SLC4A4: variants seen among roughly 807,000 people sequenced by gnomAD.
SLC4A4 encodes the protein solute carrier family 4 member 4.
SLC4A4 carries 27 observed loss-of-function variants against 111.5 expected under a neutral mutation model. The observed-to-expected ratio is 0.24, with a 90% CI of 0.18 to 0.33. The LOEUF is 0.33. Ranked by LOEUF, SLC4A4 falls within the 10% of genes least tolerant of loss-of-function variation. The pLI is 1.00. For synonymous variants in SLC4A4, 443 were observed against 463.4 expected, an observed-to-expected ratio of 0.96 and a Z score of 0.57; for missense variants, 909 against 1,315.5, an observed-to-expected ratio of 0.69 and a Z score of 4.78.
In SLC4A4 at chr4:71,097,682, G is replaced by A. The variant is rs138808133; in HGVS notation, c.-2+4890G>A. ...CCCTTTTCTCCGCAATTTCATCAGC[G>A]TCTGTTATTTTTTTGACTTTTTAAT... On this transcript the variant is annotated intron_variant, in intron 2 of 26. Coordinates refer to the SLC4A4 transcript ENST00000649996. Among the ~76,000 whole-genome samples, 520 of 152,130 alleles carry A rather than the reference G, an allele frequency of 3.4e-3. 2 individuals carry two copies. The highest frequency in any genetic ancestry group is 5.7e-3 in the Non-Finnish European group (389 of 67,968).
At chr4:71,403,937 C>G (rs529479231) in intron 7 of SLC4A4, among the ~76,000 whole-genome samples, 26 of 152,158 alleles carry the variant, frequency 1.7e-4, no homozygotes, top group Admixed American at 1.6e-3. Flanking sequence ...CATAAGAGCC[C>G]ATTTCTTAAT....
Position 71,084,345 on chromosome 4 carries a change from C to T in SLC4A4, c.-64-8385C>T, listed in dbSNP as rs191376447. On this transcript the variant is annotated intron_variant, in intron 1 of 26. Coordinates refer to the SLC4A4 transcript ENST00000649996. Reference sequence around the variant, plus strand: ...TGTTTCAACTTATCTGCAACCTCCACGAACCTATTCAACTCCCATTTAAAC... The same window carrying T: ...TGTTTCAACTTATCTGCAACCTCCATGAACCTATTCAACTCCCATTTAAAC... Among the ~76,000 whole-genome samples the T allele has an allele frequency of 3.0e-4, 45 of 152,114 alleles. 1 individual carries two copies. Among genetic ancestry groups the T allele is most frequent in the African/African-American group, 8.7e-4 (36 of 41,432 alleles).
At chr4:71,139,035 CAAAAAAAA>C (rs5859250) in intron 2 of SLC4A4, among the ~76,000 whole-genome samples, 2 of 42,840 alleles carry the variant, frequency 4.7e-5, no homozygotes, top group South Asian at 1.1e-3. Flanking sequence ...GACTCCGTCT[CAAAAAAAA>C]AAAAAAAAAA....
At chr4:71,179,903 A>G (rs921937606) in intron 2 of SLC4A4, among the ~76,000 whole-genome samples, 1 of 152,210 alleles carries the variant, frequency 6.6e-6, no homozygotes, top group Non-Finnish European at 1.5e-5. Context: ...AGTCAATCCG[A>G]AGCCAAAAGA....
chr4:71,141,060 A>AT (rs1409495541), intron 2 of SLC4A4, among the ~76,000 whole-genome samples: 1 of 152,200 alleles, frequency 6.6e-6, no homozygotes, highest in Non-Finnish European at 1.5e-5. Flanking sequence ...ATGATATTCT[A>AT]TTATTAACTA....
At chr4:71,102,055 C>T (rs1012926386) in intron 2 of SLC4A4, among the ~76,000 whole-genome samples, 1 of 151,470 alleles carries the variant, frequency 6.6e-6, no homozygotes. Context: ...ACTAGAATAA[C>T]CAATACAGAG....
chr4:71,090,164 C>T lies in SLC4A4; in HGVS notation c.-64-2566C>T, dbSNP rs145492698. ...CTCAGACTGCTGTGCTAGCAATGAGCGAGGCTCCGTGGGTGTAGGACCCTC... is the reference window on the plus strand; with the variant it reads ...CTCAGACTGCTGTGCTAGCAATGAGTGAGGCTCCGTGGGTGTAGGACCCTC... On this transcript the variant is annotated intron_variant, in intron 1 of 26. Transcript: ENST00000649996. 9.2e-3 allele frequency among the ~76,000 whole-genome samples: 1,396 copies of T among 151,886 alleles called. 39 individuals are homozygous for T. Among genetic ancestry groups the T allele is most frequent in the African/African-American group, 0.032 (1,323 of 41,272 alleles).
At chr4:71,118,150 T>G (rs2148955026) in intron 2 of SLC4A4, among the ~76,000 whole-genome samples, 1 of 152,346 alleles carries the variant, frequency 6.6e-6, no homozygotes, top group South Asian at 2.1e-4. Flanking sequence ...GTGCTGGGAT[T>G]ACAGACATGA....
intron 13 of SLC4A4, 123 bp downstream of exon 13, chr4:71,466,700 A>C: frequency 9.7e-7 from 1 of 1,029,340 alleles, no homozygotes; most frequent in Non-Finnish European, 1.5e-6. Context: ...TGGAATGTTC[A>C]GATGTGAGAG....
intron 8 of SLC4A4, among the ~76,000 whole-genome samples, chr4:71,445,326 C>G (rs901972723): frequency 2.6e-5 from 4 of 152,112 alleles, no homozygotes; most frequent in African/African-American, 9.7e-5. Context: ...AATGTTTTTT[C>G]ACTAACTAGA....
chr4:71,279,731 T>A (rs541107396), intron 3 of SLC4A4, among the ~76,000 whole-genome samples: 1 of 152,346 alleles, frequency 6.6e-6, no homozygotes, highest in Non-Finnish European at 1.5e-5. Context: ...CTAATTTATA[T>A]TCCTATTAAC....
intron 2 of SLC4A4, among the ~76,000 whole-genome samples, chr4:71,123,292 A>G (rs1256805188): frequency 6.6e-6 from 1 of 152,190 alleles, no homozygotes; most frequent in Admixed American, 6.5e-5. Context: ...TGAATGAAAA[A>G]GGCATATAAC....
intron 2 of SLC4A4, among the ~76,000 whole-genome samples, chr4:71,173,883 A>C (rs997227804): frequency 6.6e-5 from 10 of 152,228 alleles, no homozygotes; most frequent in African/African-American, 2.4e-4. Flanking sequence ...CAAGAAAGAA[A>C]GTGATACCAC....
At position 71,172,906 on chromosome 4, in the gene SLC4A4, C is replaced by T. The variant is rs542155803; in HGVS notation, c.-1-63670C>T. On this transcript the variant is annotated intron_variant, in intron 2 of 26. Transcript: ENST00000649996. ...CCACTATGGATACTTTACAAGATCC[C>T]TAGTGAATGCCTGAAACTGTGTATA... 7.9e-5 allele frequency among the ~76,000 whole-genome samples: 12 copies of T among 152,270 alleles called. No individual in the cohort carries two copies. The South Asian group carries it at 2.5e-3, about 32-fold the overall frequency.
At chr4:71,475,116 C>T (rs950951705) in intron 14 of SLC4A4, among the ~76,000 whole-genome samples, 8 of 151,512 alleles carry the variant, frequency 5.3e-5, no homozygotes, top group Admixed American at 6.6e-5. Context: ...TATTTATTTA[C>T]GACTTCTTAG....
In SLC4A4 at chr4:71,433,420, G is replaced by C. The variant is rs1029457230; in HGVS notation, c.808-7196G>C. Among the ~76,000 whole-genome samples the C allele has an allele frequency of 1.6e-4, 24 of 151,716 alleles. 1 individual carries two copies. The highest frequency in any genetic ancestry group is 5.6e-4 in the African/African-American group (23 of 41,294). ...GCATTTATCCCCTATCTCTCCTGCA[G>C]CATTAACCTGTCTCTACTAGATCAT... On this transcript the variant is annotated intron_variant, in intron 7 of 25. Transcript: ENST00000264485.
chr4:71,239,368 A>G (rs1720033056), intron 2 of SLC4A4, among the ~76,000 whole-genome samples: 2 of 152,172 alleles, frequency 1.3e-5, no homozygotes, highest in African/African-American at 4.8e-5. Context: ...ACTTTGAAAT[A>G]TTTGTGCTTT....
At chr4:71,328,183 C>T (rs1026993274) in intron 3 of SLC4A4, among the ~76,000 whole-genome samples, 4 of 152,028 alleles carry the variant, frequency 2.6e-5, no homozygotes, top group African/African-American at 9.7e-5. Flanking sequence ...CTGAATAGTA[C>T]TCCATTGTGT....
intron 1 of SLC4A4, among the ~76,000 whole-genome samples, chr4:71,088,395 C>G (rs1249868204): frequency 6.6e-6 from 1 of 151,958 alleles, no homozygotes. Flanking sequence ...GAGCATTTAG[C>G]CCATTTACAT....
Sources: allele counts gnomAD v4.1 joint callset (sites outside exome capture counted in the v4.1 genomes callset), GRCh38; gene constraint gnomAD v4.1.1; transcripts MANE v1.5; gene names NCBI Gene and HGNC (gene_info 2026-07-23, HGNC 2026-07-21).